The following DIAPH3 variants were observed in gnomAD, a reference collection of about 807,000 sequenced individuals.
The protein encoded by DIAPH3 is protein diaphanous homolog 3.
DIAPH3 carries 117 observed loss-of-function variants against 144.3 expected under a neutral mutation model. That is an observed-to-expected ratio of 0.81 (90% CI 0.70 to 0.95). The LOEUF is 0.95. Among genes scored for constraint, DIAPH3 ranks in the 40% least tolerant of loss-of-function variants. DIAPH3 has a pLI of 0.00. For synonymous variants in DIAPH3, 519 were observed against 488.9 expected, an observed-to-expected ratio of 1.06 and a Z score of -0.81; for missense variants, 1,421 against 1,412.7, an observed-to-expected ratio of 1.01 and a Z score of -0.09.
At chr13:60,070,417 A>G (rs1415328508) in intron 4 of DIAPH3, among the ~76,000 whole-genome samples, 1 of 151,758 alleles carries the variant, frequency 6.6e-6, no homozygotes, top group African/African-American at 2.4e-5. Flanking sequence ...CCTGTGCTTA[A>G]TTTGACATAA....
intron 24 of DIAPH3, 88 bp downstream of exon 24, chr13:59,833,019 C>A (rs1187467160): frequency 3.0e-6 from 3 of 998,932 alleles, no homozygotes; most frequent in Non-Finnish European, 4.5e-6. Context: ...GGTTTTCCTA[C>A]AGCAACAAGA....
chr13:59,747,357 G>C (rs898940318), intron 27 of DIAPH3, among the ~76,000 whole-genome samples: 4 of 152,064 alleles, frequency 2.6e-5, no homozygotes, highest in African/African-American at 7.2e-5. Context: ...TTTGCATCTA[G>C]GTATTTTAAA....
At chr13:59,715,187 T>C (rs1238965152) in intron 27 of DIAPH3, among the ~76,000 whole-genome samples, 2 of 152,240 alleles carry the variant, frequency 1.3e-5, no homozygotes, top group Non-Finnish European at 1.5e-5. Context: ...TTGATGGTAA[T>C]GAGAGCACAT....
intron 14 of DIAPH3, among the ~76,000 whole-genome samples, chr13:59,976,957 C>T (rs2050710799): frequency 6.6e-6 from 1 of 151,830 alleles, no homozygotes; most frequent in African/African-American, 2.4e-5. Context: ...GGCAGCTCAA[C>T]TAACATGACT....
At chr13:60,100,414 A>G (rs1403636581) in intron 3 of DIAPH3, among the ~76,000 whole-genome samples, 5 of 152,218 alleles carry the variant, frequency 3.3e-5, no homozygotes, top group African/African-American at 7.2e-5. Flanking sequence ...AGGAACTGTC[A>G]TTGACTGGAA....
At chr13:59,939,521 A>C (rs2048418892) in intron 17 of DIAPH3, among the ~76,000 whole-genome samples, 1 of 151,864 alleles carries the variant, frequency 6.6e-6, no homozygotes, top group African/African-American at 2.4e-5. Context: ...ACAGAAACTG[A>C]CTCTCTTCAG....
chr13:59,924,524 T>G (rs539964295), intron 18 of DIAPH3, among the ~76,000 whole-genome samples: 6 of 144,890 alleles, frequency 4.1e-5, no homozygotes, highest in East Asian at 2.0e-4. Context: ...AGAGTAGCTG[T>G]TTTTTTTTTT....
chr13:59,847,002 C>T (rs1156495206), intron 22 of DIAPH3, among the ~76,000 whole-genome samples: 1 of 152,068 alleles, frequency 6.6e-6, no homozygotes, highest in African/African-American at 2.4e-5. Context: ...TAGCTTGAGC[C>T]CAGGAATTTG....
intron 25 of DIAPH3, among the ~76,000 whole-genome samples, chr13:59,809,333 C>A (rs973826291): frequency 2.6e-5 from 4 of 152,078 alleles, no homozygotes; most frequent in African/African-American, 4.8e-5. Flanking sequence ...GAAACTCGGT[C>A]TCTACTAAAA....
chr13:59,733,986 G>C (rs1168007442), intron 27 of DIAPH3, among the ~76,000 whole-genome samples: 1 of 152,222 alleles, frequency 6.6e-6, no homozygotes, highest in African/African-American at 2.4e-5. Context: ...CAGTATGCAT[G>C]CCCAATTGGC....
At chr13:59,852,359 C>T (rs2043025490) in intron 22 of DIAPH3, among the ~76,000 whole-genome samples, 2 of 152,208 alleles carry the variant, frequency 1.3e-5, no homozygotes, top group Admixed American at 1.3e-4. Flanking sequence ...TTCCATATGG[C>T]ATTCCTTCAT....
chr13:60,008,491 T>C (rs2053034042), intron 9 of DIAPH3, 53 bp downstream of exon 9: 1 of 1,216,092 alleles, frequency 8.2e-7, no homozygotes, highest in Admixed American at 1.8e-5. Context: ...ATAAAACCGT[T>C]AAAAGTAATA....
At chr13:60,150,213 C>T (rs1049477364) in intron 1 of DIAPH3, among the ~76,000 whole-genome samples, 2 of 151,960 alleles carry the variant, frequency 1.3e-5, no homozygotes, top group Non-Finnish European at 2.9e-5. Context: ...TTTGTACAGA[C>T]GGGGTTTCAC....
chr13:59,832,099 T>C (rs1041593950), intron 24 of DIAPH3, among the ~76,000 whole-genome samples: 4 of 151,900 alleles, frequency 2.6e-5, no homozygotes, highest in Middle Eastern at 3.4e-3. Flanking sequence ...TAAAATAATA[T>C]ATTGCAAAGT....
At chr13:60,090,216 G>GA (rs1053529649) in intron 4 of DIAPH3, among the ~76,000 whole-genome samples, 2 of 152,142 alleles carry the variant, frequency 1.3e-5, no homozygotes, top group African/African-American at 4.8e-5. Context: ...CTGAAAGTTA[G>GA]AAAAATGTAA....
intron 5 of DIAPH3, among the ~76,000 whole-genome samples, chr13:60,020,310 A>T (rs1225503820): frequency 1.3e-5 from 2 of 152,230 alleles, no homozygotes; most frequent in Non-Finnish European, 2.9e-5. Context: ...AACCTGTCTC[A>T]ACCTTCAAGC....
chr13:60,111,142 G>A (rs1461519349), intron 3 of DIAPH3, among the ~76,000 whole-genome samples: 3 of 152,020 alleles, frequency 2.0e-5, no homozygotes, highest in Non-Finnish European at 4.4e-5. Flanking sequence ...TGCACGGATG[G>A]GAGAAAAGTG....
At chr13:59,897,231 G>T (rs1019162891) in intron 20 of DIAPH3, among the ~76,000 whole-genome samples, 1 of 152,184 alleles carries the variant, frequency 6.6e-6, no homozygotes, top group Non-Finnish European at 1.5e-5. Flanking sequence ...AGAACAAAAA[G>T]TAGATATAAT....
chr13:60,113,732 C>T (rs1158918968), intron 2 of DIAPH3, among the ~76,000 whole-genome samples: 1 of 152,098 alleles, frequency 6.6e-6, no homozygotes, highest in Non-Finnish European at 1.5e-5. Context: ...TGCTCTTATC[C>T]CTGACAAACA....
Sources: allele counts gnomAD v4.1 joint callset (sites outside exome capture counted in the v4.1 genomes callset), GRCh38; gene constraint gnomAD v4.1.1; transcripts MANE v1.5; gene names NCBI Gene and HGNC (gene_info 2026-07-23, HGNC 2026-07-21).